Variants in ZFAND3 observed in about 807,000 individuals in gnomAD.
ZFAND3 encodes AN1-type zinc finger protein 3.
Under a neutral mutation model 29.6 loss-of-function variants are expected in ZFAND3, and 10 were observed. The ratio of observed to expected loss-of-function variants is 0.34; its 90% confidence interval spans 0.21 to 0.57. The LOEUF is 0.57. Ranked by LOEUF, ZFAND3 falls within the 20% of genes least tolerant of loss-of-function variation. The pLI is 0.86. For missense variants in ZFAND3, 230 were observed against 304.5 expected, an observed-to-expected ratio of 0.76 and a Z score of 1.82; for synonymous variants, 128 against 112.6, an observed-to-expected ratio of 1.14 and a Z score of -0.87.
At chr6:37,987,777 A>G (rs919613808) in intron 2 of ZFAND3, among the ~76,000 whole-genome samples, 6 of 152,198 alleles carry the variant, frequency 3.9e-5, no homozygotes, top group Admixed American at 3.3e-4. Context: ...TGACATGCCA[A>G]TTCTCCTCAC....
At chr6:38,149,827 C>CA (rs1766185335) in intron 5 of ZFAND3, among the ~76,000 whole-genome samples, 1 of 152,200 alleles carries the variant, frequency 6.6e-6, no homozygotes, top group South Asian at 2.1e-4. Flanking sequence ...ATTCAGCCAG[C>CA]ACCATTCATC....
At chr6:37,854,811 G>T (rs1764347744) in intron 1 of ZFAND3, among the ~76,000 whole-genome samples, 1 of 139,828 alleles carries the variant, frequency 7.2e-6, no homozygotes. Flanking sequence ...CTGAAATTGA[G>T]TCACTTAATT....
intron 2 of ZFAND3, among the ~76,000 whole-genome samples, chr6:37,946,186 A>G (rs1761898513): frequency 6.6e-6 from 1 of 152,190 alleles, no homozygotes; most frequent in Admixed American, 6.5e-5. Context: ...AACTGCAACC[A>G]AGGGAACCTT....
chr6:37,951,815 A>G (rs1051794888), intron 2 of ZFAND3, among the ~76,000 whole-genome samples: 2 of 151,938 alleles, frequency 1.3e-5, no homozygotes, highest in African/African-American at 2.4e-5. Flanking sequence ...GTTTAGTATG[A>G]TGTTTGCTGT....
chr6:38,066,592 A>G lies in ZFAND3; in HGVS notation c.295+4817A>G, dbSNP rs1294633884. On this transcript the variant is annotated intron_variant, in intron 3 of 5. Coordinates refer to ENST00000287218, the MANE Select transcript of ZFAND3 (RefSeq NM_021943.3). ...TATTGCATAGAGCTAGAAGTGCTAC[A>G]TTTTGTTTGGGGCTTGTGGAAGGTT... 2.0e-5 allele frequency among the ~76,000 whole-genome samples: 3 copies of G among 152,214 alleles called. No individual in the cohort carries two copies. The East Asian group carries it at 5.8e-4, about 29-fold the overall frequency.
At position 37,837,845 on chromosome 6, in the gene ZFAND3, C is replaced by T. The variant is rs536839697; in HGVS notation, c.71+17829C>T. 1.1e-4 allele frequency among the ~76,000 whole-genome samples: 16 copies of T among 152,212 alleles called. No homozygotes were observed. In the East Asian group the frequency reaches 1.2e-3, roughly 11 times the overall value. On this transcript the variant is annotated intron_variant, in intron 1 of 5. Coordinates refer to ENST00000287218, the MANE Select transcript of ZFAND3 (RefSeq NM_021943.3). The stretch of plus-strand genomic sequence containing the variant: ...AAAGAACAACATATATAGAGAACAG[C>T]GTGTATACCAATATGCTAAATATAC...
At chr6:37,902,425 A>G (rs1765334403) in intron 1 of ZFAND3, among the ~76,000 whole-genome samples, 1 of 152,138 alleles carries the variant, frequency 6.6e-6, no homozygotes, top group Non-Finnish European at 1.5e-5. Flanking sequence ...GTGAGCTGAG[A>G]TGATACCACT....
At chr6:38,002,970 G>A (rs1762977053) in intron 2 of ZFAND3, 1 of 152,598 alleles carries the variant, frequency 6.6e-6, no homozygotes, top group Non-Finnish European at 1.5e-5. Context: ...TGCCACACTT[G>A]GACAGAATGA....
chr6:38,143,298 T>C (rs1766001482), intron 5 of ZFAND3: 1 of 152,262 alleles, frequency 6.6e-6, no homozygotes. Flanking sequence ...TAAAATGGCA[T>C]GTGTACAAAC....
intron 2 of ZFAND3, among the ~76,000 whole-genome samples, chr6:38,039,712 A>G (rs1001855050): frequency 6.6e-6 from 1 of 152,154 alleles, no homozygotes; most frequent in African/African-American, 2.4e-5. Flanking sequence ...GACATTCCAG[A>G]GTCATGATAT....
intron 3 of ZFAND3, among the ~76,000 whole-genome samples, chr6:38,074,025 A>G (rs1333797664): frequency 6.6e-6 from 1 of 152,202 alleles, no homozygotes; most frequent in Admixed American, 6.5e-5. Context: ...AAGACTAGAA[A>G]TAAGTCAGTT....
intron 1 of ZFAND3, among the ~76,000 whole-genome samples, chr6:37,896,514 T>TTTTCTTTCTTTCTCTTTC (rs1765208380): frequency 2.7e-5 from 3 of 109,178 alleles, no homozygotes; most frequent in African/African-American, 1.1e-4. Flanking sequence ...TTCCTCTTTC[T>TTTTCTTTCTTTCTCTTTC]TTTCTTTCTT....
chr6:37,985,527 A>ACACACACAC (rs753070737), intron 2 of ZFAND3, among the ~76,000 whole-genome samples: 6 of 141,760 alleles, frequency 4.2e-5, no homozygotes, highest in Middle Eastern at 3.5e-3. Flanking sequence ...ACACACACAC[A>ACACACACAC]CCCCCACACA....
intron 2 of ZFAND3, among the ~76,000 whole-genome samples, chr6:37,931,904 C>T (rs1047862563): frequency 2.0e-5 from 3 of 152,154 alleles, no homozygotes; most frequent in Admixed American, 2.0e-4. Flanking sequence ...TTGTCAGATA[C>T]TTAGGTTTTT....
At chr6:37,974,454 G>A (rs993591097) in intron 2 of ZFAND3, among the ~76,000 whole-genome samples, 2 of 149,428 alleles carry the variant, frequency 1.3e-5, no homozygotes, top group African/African-American at 5.0e-5. Flanking sequence ...GTTCAGGCTG[G>A]AGGGCAGTAG....
intron 1 of ZFAND3, among the ~76,000 whole-genome samples, chr6:37,895,851 G>T (rs1380593182): frequency 6.6e-6 from 1 of 152,118 alleles, no homozygotes; most frequent in African/African-American, 2.4e-5. Flanking sequence ...TTAGGCTGTG[G>T]TGTACCAAAT....
intron 5 of ZFAND3, among the ~76,000 whole-genome samples, chr6:38,135,779 C>T (rs190884276): frequency 6.6e-6 from 1 of 152,046 alleles, no homozygotes; most frequent in East Asian, 1.9e-4. Flanking sequence ...AAACACGTTT[C>T]CGGTGAGCTG....
chr6:37,937,683 A>G (rs1761726572), intron 2 of ZFAND3, among the ~76,000 whole-genome samples: 1 of 151,820 alleles, frequency 6.6e-6, no homozygotes, highest in Non-Finnish European at 1.5e-5. Flanking sequence ...AGGCAAAAAA[A>G]GTAACTGCTG....
intron 2 of ZFAND3, among the ~76,000 whole-genome samples, chr6:37,961,212 G>A (rs1762189504): frequency 6.6e-6 from 1 of 152,174 alleles, no homozygotes; most frequent in South Asian, 2.1e-4. Context: ...GTGGTAGTTG[G>A]GCAGTACTCC....
Sources: allele counts gnomAD v4.1 joint callset (sites outside exome capture counted in the v4.1 genomes callset), GRCh38; gene constraint gnomAD v4.1.1; transcripts MANE v1.5; gene names NCBI Gene and HGNC (gene_info 2026-07-23, HGNC 2026-07-21).